Variants in SGCD observed in about 807,000 individuals in gnomAD.
The protein encoded by SGCD is delta-sarcoglycan.
A neutral mutation model predicts 36.6 loss-of-function variants in SGCD; 18 were observed. The observed-to-expected ratio is 0.49, with a 90% CI of 0.34 to 0.73. The LOEUF is 0.73. Ranked by LOEUF, SGCD falls within the 30% of genes least tolerant of loss-of-function variation. SGCD has a pLI of 0.01. For synonymous variants in SGCD, 133 were observed against 130.6 expected (o/e 1.02, Z -0.12); for missense variants, 387 against 346.7 (o/e 1.12, Z -0.92).
At chr5:156,546,791 G>A (rs970168718) in intron 4 of SGCD, among the ~76,000 whole-genome samples, 2 of 152,204 alleles carry the variant, frequency 1.3e-5, no homozygotes, top group Admixed American at 1.3e-4. Context: ...ACTTGTTACA[G>A]TGAACCCTGG....
At position 156,761,460 on chromosome 5, in the gene SGCD, T is replaced by C. The variant is rs1360138001; in HGVS notation, c.*2070T>C. On this transcript the variant is annotated 3_prime_UTR_variant, in exon 9 of 9. Transcript: ENST00000337851. Reference sequence around the variant, plus strand: ...ATCAGATTACGCTGGATCAGTATAATTAATATTCCATAGGGCCATGTTGCC... The same window carrying C: ...ATCAGATTACGCTGGATCAGTATAACTAATATTCCATAGGGCCATGTTGCC... The C allele has an allele frequency of 6.6e-6, 1 of 152,172 alleles. No homozygotes were observed. The highest frequency in any genetic ancestry group is 1.5e-5 in the Non-Finnish European group (1 of 68,056). 9.4% of individuals were successfully genotyped at this position (152,172 alleles called of 1,614,324 possible). A position where few individuals can be genotyped will look rare whatever the true frequency, so the allele number is the denominator to read the frequency against.
chr5:155,908,496 CT>C (rs1170771713), intron 1 of SGCD, among the ~76,000 whole-genome samples: 4 of 152,120 alleles, frequency 2.6e-5, no homozygotes, highest in African/African-American at 9.7e-5. Context: ...TGGATTACTG[CT>C]TTACAGATGA....
At chr5:156,519,365 C>T (rs928012178) in intron 4 of SGCD, among the ~76,000 whole-genome samples, 2 of 151,786 alleles carry the variant, frequency 1.3e-5, no homozygotes, top group African/African-American at 4.8e-5. Context: ...AACAAACAAA[C>T]AAACAAACAA....
At chr5:156,309,801 T>C (rs1383938070) in intron 3 of SGCD, among the ~76,000 whole-genome samples, 1 of 152,100 alleles carries the variant, frequency 6.6e-6, no homozygotes, top group African/African-American at 2.4e-5. Flanking sequence ...TTTGAGCATC[T>C]TTAAGACAGT....
intron 4 of SGCD, among the ~76,000 whole-genome samples, chr5:156,579,449 T>G (rs1313920689): frequency 6.6e-6 from 1 of 152,188 alleles, no homozygotes; most frequent in Non-Finnish European, 1.5e-5. Flanking sequence ...AGAGCTGAGT[T>G]CAAGTCCTGG....
At chr5:156,423,272 A>ATATAATATATTGTAT (rs1773455120) in intron 3 of SGCD, among the ~76,000 whole-genome samples, 1 of 5,818 alleles carries the variant, frequency 1.7e-4, no homozygotes, top group Non-Finnish European at 4.2e-4. Flanking sequence ...TTATAATATA[A>ATATAATATATTGTAT]CATTATATTA....
At chr5:155,821,071 G>C in the SGCD span, among the ~76,000 whole-genome samples, 2 of 152,138 alleles carry the variant, frequency 1.3e-5, no homozygotes, top group African/African-American at 4.8e-5. Context: ...GTTAGTGATA[G>C]TCATAGAAGC....
At chr5:155,751,714 A>T in the SGCD span, among the ~76,000 whole-genome samples, 2,076 of 145,296 alleles carry the variant, frequency 0.014, 45 homozygotes, top group African/African-American at 0.045. Context: ...TTTTTTTTAT[A>T]AAAAAAAAAG....
At chr5:156,669,791 T>C in intron 7 of SGCD, among the ~76,000 whole-genome samples, 1 of 152,184 alleles carries the variant, frequency 6.6e-6, no homozygotes. Context: ...TCTGTAGGCC[T>C]TGAACCAGGA....
the SGCD span, among the ~76,000 whole-genome samples, chr5:155,785,651 T>A: frequency 2.6e-5 from 4 of 152,124 alleles, no homozygotes; most frequent in African/African-American, 9.7e-5. Flanking sequence ...ACTATAAAGG[T>A]AAATTTTAAA....
chr5:156,591,595 A>G (rs1294590352), intron 5 of SGCD, among the ~76,000 whole-genome samples: 3 of 152,198 alleles, frequency 2.0e-5, no homozygotes, highest in African/African-American at 7.2e-5. Flanking sequence ...TCCCAGACTC[A>G]TGGAGACTGT....
chr5:155,731,415 T>C, the SGCD span, among the ~76,000 whole-genome samples: 1 of 152,098 alleles, frequency 6.6e-6, no homozygotes, highest in Non-Finnish European at 1.5e-5. Context: ...ATTATTTTTG[T>C]AGTTAATTTT....
chr5:156,732,524 A>C (rs762918235), intron 7 of SGCD, among the ~76,000 whole-genome samples: 1 of 152,104 alleles, frequency 6.6e-6, no homozygotes, highest in Non-Finnish European at 1.5e-5. Flanking sequence ...GGATTTTTGC[A>C]TCAATGTTCA....
At chr5:155,819,102 C>T in the SGCD span, among the ~76,000 whole-genome samples, 1 of 152,140 alleles carries the variant, frequency 6.6e-6, no homozygotes, top group Non-Finnish European at 1.5e-5. Context: ...ATCTGCCTCT[C>T]TGGGACTCAG....
chr5:156,050,491 T>C (rs1394606141), intron 1 of SGCD, among the ~76,000 whole-genome samples: 1 of 146,986 alleles, frequency 6.8e-6, no homozygotes, highest in Non-Finnish European at 1.5e-5. Flanking sequence ...ACTCACCTTA[T>C]TGTGATATTT....
chr5:156,725,819 A>G (rs1361753388), intron 7 of SGCD, among the ~76,000 whole-genome samples: 1 of 152,218 alleles, frequency 6.6e-6, no homozygotes, highest in Non-Finnish European at 1.5e-5. Context: ...TGCACACAAT[A>G]TAATGAATGA....
chr5:156,670,541 G>A (rs1753245041), intron 7 of SGCD, among the ~76,000 whole-genome samples: 1 of 152,188 alleles, frequency 6.6e-6, no homozygotes, highest in South Asian at 2.1e-4. Flanking sequence ...ATCCTGGCTT[G>A]AAGCCAGCCT....
intron 3 of SGCD, among the ~76,000 whole-genome samples, chr5:156,452,126 C>T (rs1004147890): frequency 1.3e-5 from 2 of 152,050 alleles, no homozygotes; most frequent in Non-Finnish European, 2.9e-5. Flanking sequence ...TAGTAGCTTC[C>T]CTTGACCTCC....
intron 3 of SGCD, among the ~76,000 whole-genome samples, chr5:156,274,321 T>C (rs1377688756): frequency 6.6e-6 from 1 of 152,144 alleles, no homozygotes; most frequent in Non-Finnish European, 1.5e-5. Flanking sequence ...TTTATGACCT[T>C]GCATTATTAT....
Sources: allele counts gnomAD v4.1 joint callset (sites outside exome capture counted in the v4.1 genomes callset), GRCh38; gene constraint gnomAD v4.1.1; transcripts MANE v1.5; gene names NCBI Gene and HGNC (gene_info 2026-07-23, HGNC 2026-07-21).